ANKHD1: variants seen among roughly 807,000 people sequenced by gnomAD.
ANKHD1 encodes ankyrin repeat and KH domain containing 1, also known as ankyrin repeat and KH domain-containing protein 1.
A neutral mutation model predicts 230.5 loss-of-function variants in ANKHD1; 31 were observed. That is an observed-to-expected ratio of 0.13 (90% confidence interval 0.10 to 0.18). The LOEUF (loss-of-function observed/expected upper bound fraction) is 0.18. ANKHD1 is among the 10% of genes least tolerant of loss of function. The pLI is 1.00. For synonymous variants in ANKHD1, 1,074 were observed against 1,117.6 expected, an observed-to-expected ratio of 0.96 and a Z score of 0.78; for missense variants, 2,256 against 3,071.3, an observed-to-expected ratio of 0.73 and a Z score of 6.27.
At chr5:140,504,990 C>T in intron 16 of ANKHD1, 24 bp downstream of exon 16, 1 of 1,612,142 alleles carries the variant, frequency 6.2e-7, no homozygotes, top group South Asian at 1.1e-5. Context: ...TTTATTTAAA[C>T]TTATTTTGCA....
At position 140,409,120 on chromosome 5, in the gene ANKHD1, A is replaced by G. The variant is rs531306497; in HGVS notation, c.306+6847A>G. Among the ~76,000 whole-genome samples, 229 of 152,154 alleles carry G rather than the reference A, an allele frequency of 1.5e-3. 1 individual carries two copies. Among genetic ancestry groups the G allele is most frequent in the Non-Finnish European group, 2.5e-3 (170 of 68,024 alleles). Reference sequence around the variant, plus strand: ...GTTGAGAGCTACCGGTCTAGAGGCCACTCTTGTCAGGAATGGTAGTTTTGT... The same window carrying G: ...GTTGAGAGCTACCGGTCTAGAGGCCGCTCTTGTCAGGAATGGTAGTTTTGT... On this transcript the variant is annotated intron_variant, in intron 1 of 33. Coordinates refer to ENST00000360839, the MANE Select transcript of ANKHD1 (RefSeq NM_017747.3).
Position 140,485,603 on chromosome 5 carries a change from G to A in ANKHD1, c.2013G>A (p.Met671Ile). 6 of 1,613,822 alleles carry A rather than the reference G, an allele frequency of 3.7e-6. No individual in the cohort carries two copies. Among genetic ancestry groups the A allele is most frequent in the Non-Finnish European group, 5.1e-6 (6 of 1,179,926 alleles). The stretch of plus-strand genomic sequence containing the variant: ...TTCTTTTTCAGGATGGTTCAACAAT[G>A]CTCATTGAAGCTGCAAAGGGTGGCC... ...PTHRLKDGST[M>I]LIEAAKGGHT... The change falls in exon 13 of 34, where the codon ATG (methionine) becomes ATA (isoleucine). Residue 671 changes from methionine to isoleucine, a missense_variant. Physicochemically the swap from Met to Ile is conservative, Grantham distance 10. Around this residue, in one of 13 missense-constraint regions of ANKHD1, gnomAD observed 23 missense variants for 51.8 expected, o/e 0.44. Transcript: ENST00000360839. The surrounding 1 kb of genome is among the most constrained non-coding windows in gnomAD (Gnocchi z 4.8).
At chr5:140,428,045 G>C (rs553499107) in intron 1 of ANKHD1, among the ~76,000 whole-genome samples, 1 of 151,640 alleles carries the variant, frequency 6.6e-6, no homozygotes, top group Non-Finnish European at 1.5e-5. Flanking sequence ...ATGGGCAGCC[G>C]GGCAGAGACG....
chr5:140,521,947 C>G lies in ANKHD1; in HGVS notation c.4318-2119C>G, dbSNP rs145050867. On this transcript the variant is annotated intron_variant, in intron 24 of 33. Transcript: ENST00000360839. Reference sequence around the variant, plus strand: ...TAAGCCAACATCGTGCCACTGCACTCCAGCCTGGGTGACAGAGCAAGACTC... The same window carrying G: ...TAAGCCAACATCGTGCCACTGCACTGCAGCCTGGGTGACAGAGCAAGACTC... Among the ~76,000 whole-genome samples the G allele has an allele frequency of 7.0e-3, 1,059 of 152,294 alleles. 12 individuals carry two copies. Among genetic ancestry groups the G allele is most frequent in the African/African-American group, 0.024 (1,012 of 41,564 alleles).
Position 140,449,163 on chromosome 5 carries a change from A to G in ANKHD1, c.1148-48A>G, listed in dbSNP as rs750821437. The G allele has an allele frequency of 5.2e-6, 8 of 1,535,686 alleles. No individual in the cohort carries two copies. The East Asian group carries it at 1.7e-4, about 33-fold the overall frequency. ...AGATTCCATACCTCAATATTTAAAT[A>G]TTAAACTGATAGTGAATTCTTTTAA... is the stretch of plus-strand genomic sequence containing the variant. On this transcript the variant is annotated intron_variant, in intron 6 of 33. Transcript: ENST00000360839.
chr5:140,539,059 A>G lies in ANKHD1; in HGVS notation c.7545A>G (p.Ser2515=), dbSNP rs1754196736. The G allele has an allele frequency of 6.2e-7, 1 of 1,610,946 alleles. No homozygotes were observed. Among genetic ancestry groups the G allele is most frequent in the Admixed American group, 1.7e-5 (1 of 59,276 alleles). Residue 2515 remains serine, a synonymous_variant, in exon 33 of 34, where the codon TCA becomes TCG. Transcript: ENST00000360839. Reference sequence around the variant, plus strand: ...CTATGATAAAAGTTATCCAAAATTCAACTGAATGCACTGATGCCCAGCAGG... The same window carrying G: ...CTATGATAAAAGTTATCCAAAATTCGACTGAATGCACTGATGCCCAGCAGG... ...WNPMIKVIQN[S]TECTDAQQIW...
chr5:140,520,672 T>C (rs1022177789), intron 24 of ANKHD1, among the ~76,000 whole-genome samples: 4 of 150,570 alleles, frequency 2.7e-5, no homozygotes, highest in South Asian at 2.1e-4. Flanking sequence ...AGTAAACTAT[T>C]GCAAGAACAA....
At position 140,527,889 on chromosome 5, in the gene ANKHD1, G is replaced by T; in HGVS notation, c.5104G>T (p.Val1702Phe). 1 of 1,613,646 alleles carries T rather than the reference G, an allele frequency of 6.2e-7. No individual in the cohort carries two copies. Among genetic ancestry groups the T allele is most frequent in the Non-Finnish European group, 8.5e-7 (1 of 1,179,762 alleles). Reference protein sequence around the residue: ...EVVRRSKKLSVPASVVSRIMG... With the variant: ...EVVRRSKKLSFPASVVSRIMG... ...ATTTTATAGGTCAAAGAAATTGTCT[G>T]TTCCAGCCTCAGTGGTGTCGAGGAT... Residue 1702 changes from valine (V) to phenylalanine (F), a missense_variant, in exon 28 of 34, where the codon GTT (valine) becomes TTT (phenylalanine). Physicochemically the swap from Val to Phe is conservative, Grantham distance 50 (BLOSUM62 -1). Transcript: ENST00000360839. The surrounding 1 kb of genome is among the most constrained non-coding windows in gnomAD (Gnocchi z 4.5).
chr5:140,521,963 A>C (rs1485366439), intron 24 of ANKHD1, among the ~76,000 whole-genome samples: 1 of 152,234 alleles, frequency 6.6e-6, no homozygotes, highest in Non-Finnish European at 1.5e-5. Flanking sequence ...TGGGTGACAG[A>C]GCAAGACTCT....
chr5:140,413,264 A>G (rs1444469316), intron 1 of ANKHD1, among the ~76,000 whole-genome samples: 2 of 152,248 alleles, frequency 1.3e-5, no homozygotes, highest in East Asian at 1.9e-4. Flanking sequence ...CATAAAATCT[A>G]TCATTTTAAC....
intron 29 of ANKHD1, among the ~76,000 whole-genome samples, chr5:140,530,295 T>C (rs1419132470): frequency 6.6e-6 from 1 of 152,148 alleles, no homozygotes. Context: ...CACTGTAACC[T>C]CCGCCTCCTA....
chr5:140,416,091 T>C (rs1482769478), intron 1 of ANKHD1, among the ~76,000 whole-genome samples: 1 of 152,194 alleles, frequency 6.6e-6, no homozygotes, highest in African/African-American at 2.4e-5. Context: ...TCCAGCTTCA[T>C]CCATGTCCCT....
At chr5:140,520,028 A>G (rs1753248440) in intron 24 of ANKHD1, among the ~76,000 whole-genome samples, 2 of 151,008 alleles carry the variant, frequency 1.3e-5, no homozygotes, top group South Asian at 2.1e-4. Flanking sequence ...CAACCTACTC[A>G]TCTGACAAAG....
intron 7 of ANKHD1, among the ~76,000 whole-genome samples, chr5:140,457,774 A>T (rs1775324308): frequency 6.6e-6 from 1 of 152,076 alleles, no homozygotes; most frequent in Non-Finnish European, 1.5e-5. Flanking sequence ...TAACGGATGC[A>T]GCACACCAAC....
At position 140,515,296 on chromosome 5, in the gene ANKHD1, C is replaced by A. The variant is rs981079038; in HGVS notation, c.4317+1817C>A. Among the ~76,000 whole-genome samples the A allele has an allele frequency of 3.3e-5, 5 of 151,934 alleles. No individual in the cohort carries two copies. The East Asian group carries it at 9.7e-4, about 29-fold the overall frequency. ...CTGTCCCCCCAAAAAAAAAAAAAATCCCATTTTACCAAATGACATCATTAC... is the reference window on the plus strand; with the variant it reads ...CTGTCCCCCCAAAAAAAAAAAAAATACCATTTTACCAAATGACATCATTAC... On this transcript the variant is annotated intron_variant, in intron 24 of 33. Transcript: ENST00000360839.
chr5:140,513,419 G>A lies in ANKHD1; in HGVS notation c.4257G>A (p.Gln1419=). 1 of 1,613,780 alleles carries A rather than the reference G, an allele frequency of 6.2e-7. No individual in the cohort carries two copies. The highest frequency in any genetic ancestry group is 1.7e-4 in the Middle Eastern group (1 of 6,054). ...AAACCATTGTGAAGGCTAAAGACCA[G>A]CAAGCTGCAGAAGCAAATAAGAATG... ...CVETIVKAKD[Q]QAAEANKNAS... The change falls in exon 24 of 34, where the codon CAG becomes CAA. Residue 1419 remains glutamine (Q), a synonymous_variant. Coordinates refer to ENST00000360839, the MANE Select transcript of ANKHD1 (RefSeq NM_017747.3).
chr5:140,441,287 A>G lies in ANKHD1; in HGVS notation c.913+145A>G, dbSNP rs572879866. ...GTGTAGAATCTTTGAGTAAAATACAAATTAATTTGACATCCTCAAAAGTCT... is the reference window on the plus strand; with the variant it reads ...GTGTAGAATCTTTGAGTAAAATACAGATTAATTTGACATCCTCAAAAGTCT... On this transcript the variant is annotated intron_variant, in intron 5 of 33. Transcript: ENST00000360839. 5.6e-4 allele frequency: 657 copies of G among 1,168,448 alleles called. 2 individuals are homozygous for G. In the African/African-American group the frequency reaches 8.4e-3, roughly 15 times the overall value. 72.4% of individuals were successfully genotyped at this position (1,168,448 alleles called of 1,614,324 possible).
Position 140,485,670 on chromosome 5 carries a change from G to A in ANKHD1, c.2080G>A (p.Val694Ile). 1 of 1,613,986 alleles carries A rather than the reference G, an allele frequency of 6.2e-7. No individual in the cohort carries two copies. The highest frequency in any genetic ancestry group is 8.5e-7 in the Non-Finnish European group (1 of 1,179,962). ...VSYLLDYPNN[V>I]LSVPTTDVSQ... is the part of the protein sequence containing the mutation. ...TTATCTGTTGGATTATCCAAATAAT[G>A]TTCTGTCAGTTCCCACCACAGATGT... Residue 694 changes from valine (V) to isoleucine (I), a missense_variant, in exon 13 of 34, where the codon GTT (valine) becomes ATT (isoleucine). Transcript: ENST00000360839. The surrounding 1 kb of genome is among the most constrained non-coding windows in gnomAD (Gnocchi z 4.8).
intron 1 of ANKHD1, among the ~76,000 whole-genome samples, chr5:140,419,727 T>C (rs970320154): frequency 2.6e-5 from 4 of 151,744 alleles, no homozygotes; most frequent in Non-Finnish European, 5.9e-5. Flanking sequence ...CTGTCTTTTC[T>C]TTCTTTCTCT....
Sources: gnomAD v4.1 joint callset for allele counts (sites outside exome capture counted in the v4.1 genomes callset) on GRCh38, gnomAD v4.1.1 for gene constraint, gnomAD v4.1.1 regional missense constraint, Gnocchi (gnomAD v3.1) non-coding constraint, MANE v1.5 for transcripts, NCBI Gene and HGNC (gene_info 2026-07-23, HGNC 2026-07-21) for gene names.